The following ARHGEF28 variants were observed in gnomAD, a reference collection of about 807,000 sequenced individuals.
ARHGEF28 encodes 190 kDa guanine nucleotide exchange factor.
ARHGEF28 carries 152 observed loss-of-function variants against 206.6 expected under a neutral mutation model. That is an observed-to-expected ratio of 0.74 (90% CI 0.64 to 0.84). ARHGEF28 has a LOEUF of 0.84. ARHGEF28 is among the 40% of genes least tolerant of loss of function. The probability of loss-of-function intolerance (pLI) is 0.00; values close to 1 mark genes in which losing one functional copy is unlikely to be tolerated. For missense variants in ARHGEF28, 2,028 were observed against 2,073.2 expected (o/e 0.98, Z 0.42); for synonymous variants, 763 against 776.4 (o/e 0.98, Z 0.29).
intron 6 of ARHGEF28, among the ~76,000 whole-genome samples, chr5:73,779,728 G>A (rs2112458484): frequency 6.6e-6 from 1 of 152,260 alleles, no homozygotes; most frequent in Non-Finnish European, 1.5e-5. Context: ...TCATTCCATG[G>A]TGGGCCTTAG....
chr5:73,835,936 T>G (rs993269439), intron 10 of ARHGEF28, among the ~76,000 whole-genome samples: 11 of 152,182 alleles, frequency 7.2e-5, no homozygotes, highest in African/African-American at 2.7e-4. Flanking sequence ...CCCCACACAT[T>G]TAGTCACAGA....
At position 73,840,711 on chromosome 5, in the gene ARHGEF28, T is replaced by C. The variant is rs1228825426; in HGVS notation, c.1378T>C (p.Phe460Leu). The C allele has an allele frequency of 6.2e-7, 1 of 1,612,222 alleles. No homozygotes were observed. The highest frequency in any genetic ancestry group is 1.3e-5 in the African/African-American group (1 of 75,030). The change falls in exon 11 of 36, where the codon TTT (phenylalanine) becomes CTT (leucine). Residue 460 changes from phenylalanine to leucine, a missense_variant. Physicochemically the swap from Phe to Leu is conservative, Grantham distance 22 (BLOSUM62 0). Transcript: ENST00000513042. ...GTGTGCTTCCAACTTGAATCTTTCT[T>C]TTGGTTGGCATGGATTTGAAAAGGA... ...SSCASNLNLS[F>L]GWHGFEKEQS...
chr5:73,931,111 A>G (rs1764092957), intron 35 of ARHGEF28, among the ~76,000 whole-genome samples: 1 of 152,162 alleles, frequency 6.6e-6, no homozygotes. Flanking sequence ...TTGTTTTTTA[A>G]ATAATTTGTC....
At chr5:73,912,029 A>G (rs188842253) in intron 35 of ARHGEF28, among the ~76,000 whole-genome samples, 15 of 152,144 alleles carry the variant, frequency 9.9e-5, no homozygotes, top group African/African-American at 3.4e-4. Context: ...CTGTACTGCT[A>G]TTAAACACCC....
chr5:73,662,497 G>A (rs1406470597), intron 1 of ARHGEF28, among the ~76,000 whole-genome samples: 1 of 152,130 alleles, frequency 6.6e-6, no homozygotes, highest in African/African-American at 2.4e-5. Flanking sequence ...TTATTCTTTG[G>A]TTTCTCTTGG....
At chr5:73,656,073 C>CA (rs1238040850) in intron 1 of ARHGEF28, among the ~76,000 whole-genome samples, 1 of 152,208 alleles carries the variant, frequency 6.6e-6, no homozygotes, top group Non-Finnish European at 1.5e-5. Flanking sequence ...ATGAGCAAGG[C>CA]AGCACCTGCT....
At chr5:73,832,596 T>A in intron 10 of ARHGEF28, 137 bp downstream of exon 10, 1 of 1,221,228 alleles carries the variant, frequency 8.2e-7, no homozygotes, top group Non-Finnish European at 1.1e-6. Context: ...TTGTGGGGTC[T>A]CATTGTATGA....
chr5:73,806,183 C>T (rs78330071), intron 9 of ARHGEF28, among the ~76,000 whole-genome samples: 6,633 of 144,474 alleles, frequency 0.046, 244 homozygotes, highest in African/African-American at 0.082. Context: ...GATAGCAATA[C>T]CTGTATATAG....
rs764713830 is a variant in ARHGEF28 at position 73,904,371 on chromosome 5, T to C, written c.4127T>C (p.Ile1376Thr). ...TTTGTTTTTCAGATTATACAAGCCA[T>C]ACAGAATTTAACCCGTCTCTTATAC... ...GSSQSEIIQA[I>T]QNLTRLLYSL... Residue 1376 changes from isoleucine to threonine, a missense_variant, in exon 33 of 36, where the codon ATA (isoleucine) becomes ACA (threonine). Transcript: ENST00000513042. The C allele has an allele frequency of 2.5e-5, 41 of 1,613,028 alleles. No homozygotes were observed. In the Admixed American group the frequency reaches 6.0e-4, roughly 24 times the overall value.
rs530479758 is a variant in ARHGEF28 at position 73,911,013 on chromosome 5, A to G, written c.4648-262A>G. Among the ~76,000 whole-genome samples, 47 of 152,338 alleles carry G rather than the reference A, an allele frequency of 3.1e-4. No individual in the cohort carries two copies. In the South Asian group the frequency reaches 9.5e-3, roughly 31 times the overall value. On this transcript the variant is annotated intron_variant, in intron 34 of 35. Transcript: ENST00000513042. Reference sequence around the variant, plus strand: ...TAAAAACTGCTGCTTTCTCTGATTAAAATAAAGTGGAAACACTTTAATGTC... The same window carrying G: ...TAAAAACTGCTGCTTTCTCTGATTAGAATAAAGTGGAAACACTTTAATGTC...
At chr5:73,807,035 G>A (rs1318453150) in intron 9 of ARHGEF28, among the ~76,000 whole-genome samples, 1 of 128,250 alleles carries the variant, frequency 7.8e-6, no homozygotes, top group African/African-American at 2.6e-5. Context: ...GCATGTAAGA[G>A]GTTTTTTTTT....
chr5:73,666,150 G>A (rs934163970), intron 1 of ARHGEF28, among the ~76,000 whole-genome samples: 1 of 152,152 alleles, frequency 6.6e-6, no homozygotes. Context: ...GAAAAAAAGG[G>A]GTACCTGCTC....
chr5:73,923,548 A>G (rs1319612812), intron 35 of ARHGEF28, among the ~76,000 whole-genome samples: 1 of 152,206 alleles, frequency 6.6e-6, no homozygotes, highest in African/African-American at 2.4e-5. Flanking sequence ...TTGTCAGGTA[A>G]GAGATACAGA....
chr5:73,790,589 A>G (rs1754422318), intron 7 of ARHGEF28, among the ~76,000 whole-genome samples: 1 of 151,286 alleles, frequency 6.6e-6, no homozygotes, highest in African/African-American at 2.4e-5. Flanking sequence ...TCATTTTGAT[A>G]TTTCTGTAAA....
intron 35 of ARHGEF28, among the ~76,000 whole-genome samples, chr5:73,928,752 T>A (rs1210824997): frequency 6.6e-6 from 1 of 152,172 alleles, no homozygotes; most frequent in Non-Finnish European, 1.5e-5. Context: ...TTAGTGTGGG[T>A]AGGGTTGTGA....
At chr5:73,849,412 T>C (rs1758565466) in intron 13 of ARHGEF28, among the ~76,000 whole-genome samples, 1 of 152,070 alleles carries the variant, frequency 6.6e-6, no homozygotes, top group Non-Finnish European at 1.5e-5. Context: ...AGGATTTTAT[T>C]TGAGTAAATT....
Position 73,901,239 on chromosome 5 carries a change from C to T in ARHGEF28, c.4029C>T (p.Ile1343=), listed in dbSNP as rs749557792. 6.2e-7 allele frequency: 1 copy of T among 1,613,310 alleles called. No individual in the cohort carries two copies. Among genetic ancestry groups the T allele is most frequent in the South Asian group, 1.1e-5 (1 of 90,962 alleles). ...GRGCSDVDPG[I]QGVVTDLAVS... Reference sequence around the variant, plus strand: ...GCTGTTCGGATGTGGATCCCGGGATCCAGGGTGTGGTAACCGACTTGGCCG... The same window carrying T: ...GCTGTTCGGATGTGGATCCCGGGATTCAGGGTGTGGTAACCGACTTGGCCG... The change falls in exon 31 of 36, where the codon ATC becomes ATT. Residue 1343 remains isoleucine (I), a synonymous_variant. Coordinates refer to ENST00000513042, the MANE Select transcript of ARHGEF28 (RefSeq NM_001177693.2).
At position 73,911,513 on chromosome 5, in the gene ARHGEF28, C is replaced by A; in HGVS notation, c.4886C>A (p.Ala1629Asp). Residue 1629 changes from alanine to aspartate, a missense_variant, in exon 35 of 36, where the codon GCC becomes GAC. Ala to Asp is a moderately radical substitution (Grantham distance 126). Around this residue, in one of 3 missense-constraint regions of ARHGEF28, gnomAD observed 803 missense variants for 768.0 expected, o/e 1.05. Transcript: ENST00000513042. Reference sequence around the variant, plus strand: ...AATGTCAGTCACAAACTGTGGACAGCCGCTGGTTCCGGCCATCAGATACTT... The same window carrying A: ...AATGTCAGTCACAAACTGTGGACAGACGCTGGTTCCGGCCATCAGATACTT... ...PSNVSHKLWT[A>D]AGSGHQILPF... 1 of 1,613,434 alleles carries A rather than the reference C, an allele frequency of 6.2e-7. No individual in the cohort carries two copies. Among genetic ancestry groups the A allele is most frequent in the Non-Finnish European group, 8.5e-7 (1 of 1,179,640 alleles).
At chr5:73,829,998 C>T (rs1757186401) in intron 9 of ARHGEF28, among the ~76,000 whole-genome samples, 1 of 151,928 alleles carries the variant, frequency 6.6e-6, no homozygotes, top group Non-Finnish European at 1.5e-5. Flanking sequence ...TTTGGAATTC[C>T]GAATTTTCAG....
Sources: gnomAD v4.1 joint callset for allele counts (sites outside exome capture counted in the v4.1 genomes callset) on GRCh38, gnomAD v4.1.1 for gene constraint, gnomAD v4.1.1 regional missense constraint, MANE v1.5 for transcripts, NCBI Gene and HGNC (gene_info 2026-07-23, HGNC 2026-07-21) for gene names.